ROBO1: variants seen among roughly 807,000 people sequenced by gnomAD.
The protein encoded by ROBO1 is roundabout guidance receptor 1.
A neutral mutation model predicts 195.9 loss-of-function variants in ROBO1; 149 were observed. That is an observed-to-expected ratio of 0.76 (90% confidence interval 0.67 to 0.87). The LOEUF (loss-of-function observed/expected upper bound fraction) is 0.87, where lower values mean the gene tolerates loss of function less well. Among genes scored for constraint, ROBO1 ranks in the 40% least tolerant of loss-of-function variants. The pLI is 0.00. For missense variants in ROBO1, 1,933 were observed against 2,068.3 expected (o/e 0.93, Z 1.27); for synonymous variants, 816 against 733.2 (o/e 1.11, Z -1.82).
chr3:78,753,008 T>C (rs943255444), intron 4 of ROBO1, among the ~76,000 whole-genome samples: 2 of 152,158 alleles, frequency 1.3e-5, no homozygotes, highest in Non-Finnish European at 2.9e-5. Context: ...TCTTATGTCC[T>C]AACCTAGGAA....
chr3:78,907,723 A>T (rs2038007840), intron 4 of ROBO1, among the ~76,000 whole-genome samples: 1 of 152,130 alleles, frequency 6.6e-6, no homozygotes, highest in Admixed American at 6.6e-5. Flanking sequence ...CAAGTTTGAC[A>T]GTAAAAATCA....
At chr3:79,546,997 G>T (rs537047939) in intron 2 of ROBO1, among the ~76,000 whole-genome samples, 1 of 151,634 alleles carries the variant, frequency 6.6e-6, no homozygotes, top group Non-Finnish European at 1.5e-5. Flanking sequence ...TTGGCTAACA[G>T]GGTGAAAACC....
chr3:79,306,487 C>T (rs79269221), intron 2 of ROBO1, among the ~76,000 whole-genome samples: 8,649 of 152,284 alleles, frequency 0.057, 354 homozygotes, highest in African/African-American at 0.12. Context: ...TCGGCCCTAA[C>T]TGCCCTGGCA....
intron 2 of ROBO1, among the ~76,000 whole-genome samples, chr3:79,573,030 T>C (rs922395057): frequency 6.6e-6 from 1 of 152,148 alleles, no homozygotes; most frequent in African/African-American, 2.4e-5. Flanking sequence ...CTGGCTCTGC[T>C]CATTTTTAAA....
intron 2 of ROBO1, among the ~76,000 whole-genome samples, chr3:79,336,506 G>A (rs1459995128): frequency 6.6e-6 from 1 of 152,224 alleles, no homozygotes; most frequent in Non-Finnish European, 1.5e-5. Context: ...GTACACAGGA[G>A]TGAAGAATTG....
At chr3:78,695,488 G>A (rs552303445) in intron 8 of ROBO1, among the ~76,000 whole-genome samples, 74 of 151,796 alleles carry the variant, frequency 4.9e-4, no homozygotes, top group South Asian at 1.5e-3. Flanking sequence ...ACCCAGGCGC[G>A]GTGGCACGCA....
intron 2 of ROBO1, among the ~76,000 whole-genome samples, chr3:79,310,352 G>A (rs749736014): frequency 6.6e-6 from 1 of 152,084 alleles, no homozygotes; most frequent in Non-Finnish European, 1.5e-5. Flanking sequence ...TTCCTCTCCT[G>A]GGACTGGGGG....
At chr3:79,372,355 T>C (rs955412827) in intron 2 of ROBO1, among the ~76,000 whole-genome samples, 1 of 151,976 alleles carries the variant, frequency 6.6e-6, no homozygotes, top group Non-Finnish European at 1.5e-5. Context: ...TACAGGTGGA[T>C]GTGCCACCAC....
chr3:78,714,506 A>G lies in ROBO1; in HGVS notation c.936T>C (p.Asp312=). The change falls in exon 8 of 31, where the codon GAT becomes GAC. Residue 312 remains aspartate, a synonymous_variant. Coordinates refer to ENST00000464233, the MANE Select transcript of ROBO1 (RefSeq NM_002941.4). ...TCACCTTCCTAATTTTCAAGGTATG[A>G]TCATCTCGGATTTCATATCTAATGA... ...LPKSRYEIRD[D]HTLKIRKVTA... The G allele has an allele frequency of 1.2e-6, 2 of 1,611,242 alleles. No individual in the cohort carries two copies. Among genetic ancestry groups the G allele is most frequent in the Admixed American group, 3.4e-5 (2 of 59,504 alleles).
chr3:79,565,333 T>C (rs1266682640), intron 2 of ROBO1, among the ~76,000 whole-genome samples: 12 of 151,790 alleles, frequency 7.9e-5, no homozygotes, highest in Admixed American at 5.3e-4. Context: ...ATTCTCGGTG[T>C]CTTTAACTGC....
intron 5 of ROBO1, among the ~76,000 whole-genome samples, chr3:78,746,168 A>G (rs557298453): frequency 4.7e-4 from 72 of 152,310 alleles, no homozygotes; most frequent in African/African-American, 1.7e-3. Context: ...CTTCATACAA[A>G]TCACATATAA....
intron 2 of ROBO1, among the ~76,000 whole-genome samples, chr3:79,129,627 T>A (rs564008273): frequency 3.3e-5 from 5 of 152,288 alleles, no homozygotes; most frequent in African/African-American, 1.2e-4. Context: ...CATTAATTAT[T>A]TTTTAATTGA....
chr3:79,152,957 C>T (rs1413383719), intron 2 of ROBO1, among the ~76,000 whole-genome samples: 1 of 151,642 alleles, frequency 6.6e-6, no homozygotes, highest in African/African-American at 2.4e-5. Context: ...AAAACAATAG[C>T]CCATTTTGAA....
chr3:79,085,598 G>T (rs1264583085), intron 3 of ROBO1, among the ~76,000 whole-genome samples: 1 of 152,114 alleles, frequency 6.6e-6, no homozygotes, highest in Admixed American at 6.5e-5. Context: ...ATAAGAGAGT[G>T]ATGAGCTTGT....
chr3:79,674,835 TG>T (rs368658449), intron 1 of ROBO1, among the ~76,000 whole-genome samples: 46,695 of 101,832 alleles, frequency 0.46, 8,500 homozygotes, highest in African/African-American at 0.57. Flanking sequence ...TCCGTGTGTG[TG>T]TGTGTGTGTG....
At chr3:79,250,781 C>T (rs980204838) in intron 2 of ROBO1, among the ~76,000 whole-genome samples, 48 of 152,062 alleles carry the variant, frequency 3.2e-4, no homozygotes, top group African/African-American at 1.1e-3. Context: ...GAGGGCCAGG[C>T]GCGTTGGCTC....
At chr3:79,480,967 T>C (rs1045158736) in intron 2 of ROBO1, among the ~76,000 whole-genome samples, 1 of 152,172 alleles carries the variant, frequency 6.6e-6, no homozygotes, top group Non-Finnish European at 1.5e-5. Context: ...ATCAATTTTT[T>C]TTCCTCCATA....
At chr3:79,749,488 T>C (rs1171680428) in intron 1 of ROBO1, among the ~76,000 whole-genome samples, 1 of 152,140 alleles carries the variant, frequency 6.6e-6, no homozygotes, top group African/African-American at 2.4e-5. Context: ...ATGTGGAAAA[T>C]GCCTCCAGGG....
chr3:79,313,907 G>A (rs1415481654), intron 2 of ROBO1, among the ~76,000 whole-genome samples: 1 of 152,110 alleles, frequency 6.6e-6, no homozygotes, highest in African/African-American at 2.4e-5. Context: ...GACACTTGAG[G>A]CAAGCAATAA....
Sources: gnomAD v4.1 joint callset for allele counts (sites outside exome capture counted in the v4.1 genomes callset) on GRCh38, gnomAD v4.1.1 for gene constraint, MANE v1.5 for transcripts, NCBI Gene and HGNC (gene_info 2026-07-23, HGNC 2026-07-21) for gene names.